RARB: variants seen among roughly 807,000 people sequenced by gnomAD.
RARB encodes retinoic acid receptor beta, also known as HBV-activated protein.
Under a neutral mutation model 51.9 loss-of-function variants are expected in RARB, and 17 were observed. The ratio of observed to expected loss-of-function variants is 0.33; its 90% CI spans 0.22 to 0.49. The LOEUF (loss-of-function observed/expected upper bound fraction) is 0.49. Among genes scored for constraint, RARB ranks in the 20% least tolerant of loss-of-function variants. The pLI is 0.99. For synonymous variants in RARB, 215 were observed against 195.4 expected (o/e 1.10, Z -0.84); for missense variants, 369 against 550.8 (o/e 0.67, Z 3.30).
intron 3 of RARB, among the ~76,000 whole-genome samples, chr3:25,111,028 GCT>G (rs1478707474): frequency 2.0e-5 from 3 of 152,132 alleles, no homozygotes; most frequent in African/African-American, 4.8e-5. Flanking sequence ...TAACATCTTG[GCT>G]CTCTTTCCAG....
At chr3:25,022,965 G>C (rs767433652) in intron 2 of RARB, among the ~76,000 whole-genome samples, 5 of 152,172 alleles carry the variant, frequency 3.3e-5, no homozygotes, top group Non-Finnish European at 7.3e-5. Context: ...ATCATCACCA[G>C]ACCCTAAGCA....
intron 5 of RARB, among the ~76,000 whole-genome samples, chr3:25,285,529 T>A (rs73049706): frequency 0.1 from 15,784 of 152,076 alleles, 1,063 homozygotes; most frequent in Non-Finnish European, 0.16. Flanking sequence ...ACAGTTGGAG[T>A]TGAACTTGAA....
intron 1 of RARB, among the ~76,000 whole-genome samples, chr3:24,844,188 G>A (rs964944109): frequency 1.7e-4 from 26 of 152,204 alleles, no homozygotes; most frequent in African/African-American, 6.3e-4. Flanking sequence ...CCAATGGGGA[G>A]GAGGGGTTTG....
At chr3:25,522,464 C>T (rs951547176) in intron 3 of RARB, among the ~76,000 whole-genome samples, 4 of 152,124 alleles carry the variant, frequency 2.6e-5, no homozygotes, top group Non-Finnish European at 4.4e-5. Context: ...TTGAAGTTTT[C>T]TTTATTTAGC....
intron 5 of RARB, among the ~76,000 whole-genome samples, chr3:25,241,900 A>G (rs1702440559): frequency 6.6e-6 from 1 of 152,198 alleles, no homozygotes; most frequent in Admixed American, 6.5e-5. Flanking sequence ...GTCTTCCACA[A>G]TGGTTGAACT....
At chr3:25,051,273 G>T (rs565902416) in intron 2 of RARB, among the ~76,000 whole-genome samples, 1 of 152,100 alleles carries the variant, frequency 6.6e-6, no homozygotes, top group African/African-American at 2.4e-5. Flanking sequence ...GAATAGAAAC[G>T]TGTAATTGTT....
intron 5 of RARB, among the ~76,000 whole-genome samples, chr3:25,375,864 A>T (rs1706444791): frequency 6.6e-6 from 1 of 152,164 alleles, no homozygotes. Context: ...TGGACCCTGA[A>T]GCCAGACTTC....
intron 5 of RARB, among the ~76,000 whole-genome samples, chr3:25,274,041 A>T (rs1703320033): frequency 6.6e-6 from 1 of 152,158 alleles, no homozygotes; most frequent in South Asian, 2.1e-4. Flanking sequence ...TATGGCCTGG[A>T]AGTCCTTCTA....
At chr3:25,202,599 G>C (rs1701424823) in intron 5 of RARB, among the ~76,000 whole-genome samples, 4 of 152,114 alleles carry the variant, frequency 2.6e-5, no homozygotes, top group Non-Finnish European at 5.9e-5. Context: ...TCTACACACG[G>C]CTTTAAATGT....
At chr3:25,443,080 C>T (rs2125531760) in intron 1 of RARB, among the ~76,000 whole-genome samples, 1 of 152,216 alleles carries the variant, frequency 6.6e-6, no homozygotes, top group East Asian at 1.9e-4. Context: ...TGCTCATAAC[C>T]CAGAGTGCGG....
chr3:25,193,116 A>G (rs562460175), intron 5 of RARB, among the ~76,000 whole-genome samples: 10 of 152,216 alleles, frequency 6.6e-5, no homozygotes, highest in South Asian at 4.1e-4. Context: ...ATTCCAAGCA[A>G]TGGAAAAGCA....
At chr3:25,209,769 C>G (rs1037004474) in intron 5 of RARB, among the ~76,000 whole-genome samples, 12 of 152,110 alleles carry the variant, frequency 7.9e-5, no homozygotes, top group African/African-American at 2.9e-4. Context: ...GCAATGCAGT[C>G]CTATTCAACT....
intron 5 of RARB, among the ~76,000 whole-genome samples, chr3:25,289,510 C>A (rs556450070): frequency 3.0e-4 from 45 of 152,264 alleles, no homozygotes; most frequent in Non-Finnish European, 5.6e-4. Context: ...GGAGGTTTGG[C>A]TCAACAAAAT....
At chr3:25,387,407 A>C (rs1575362788) in intron 5 of RARB, among the ~76,000 whole-genome samples, 1 of 152,188 alleles carries the variant, frequency 6.6e-6, no homozygotes, top group African/African-American at 2.4e-5. Flanking sequence ...TGGGTAGGAA[A>C]CACATTGGCT....
chr3:25,128,934 A>T (rs1699902217), intron 3 of RARB, among the ~76,000 whole-genome samples: 1 of 152,152 alleles, frequency 6.6e-6, no homozygotes. Context: ...AGGTTGGAAA[A>T]AATAACATAA....
intron 1 of RARB, among the ~76,000 whole-genome samples, chr3:25,432,483 A>G (rs976239009): frequency 6.6e-6 from 1 of 152,190 alleles, no homozygotes; most frequent in African/African-American, 2.4e-5. Context: ...TAGATAAATG[A>G]CCAGAATGGC....
At chr3:25,068,558 G>A (rs1319878109) in intron 3 of RARB, among the ~76,000 whole-genome samples, 5 of 152,152 alleles carry the variant, frequency 3.3e-5, no homozygotes, top group African/African-American at 1.2e-4. Flanking sequence ...ATGACATCAA[G>A]AAAAAATTAA....
chr3:25,249,944 T>C (rs1210564040), intron 5 of RARB, among the ~76,000 whole-genome samples: 1 of 152,130 alleles, frequency 6.6e-6, no homozygotes, highest in African/African-American at 2.4e-5. Context: ...GGTCACCAGG[T>C]GGCTTTCTCT....
At chr3:25,056,630 T>C (rs908982636) in intron 2 of RARB, among the ~76,000 whole-genome samples, 25 of 152,122 alleles carry the variant, frequency 1.6e-4, no homozygotes, top group African/African-American at 3.9e-4. Flanking sequence ...ATGAATTCTT[T>C]AGTATATACC....
Sources: gnomAD v4.1 joint callset for allele counts (sites outside exome capture counted in the v4.1 genomes callset) on GRCh38, gnomAD v4.1.1 for gene constraint, MANE v1.5 for transcripts, NCBI Gene and HGNC (gene_info 2026-07-23, HGNC 2026-07-21) for gene names.